The following CYSLTR1 variants were observed in gnomAD, a reference collection of about 807,000 sequenced individuals.
CYSLTR1 encodes the protein cysteinyl leukotriene receptor 1.
A neutral mutation model predicts 2.1 loss-of-function variants in CYSLTR1; 1 was observed. That is an observed-to-expected ratio of 0.48 (90% CI 0.17 to 2.28). CYSLTR1 has a LOEUF of 2.28. CYSLTR1 is among the 30% of genes most tolerant of loss of function. CYSLTR1 has a pLI of 0.26. For missense variants in CYSLTR1, 299 were observed against 250.1 expected, an observed-to-expected ratio of 1.20 and a Z score of -1.32; for synonymous variants, 110 against 89.6, an observed-to-expected ratio of 1.23 and a Z score of -1.28.
At position 78,320,915 on chromosome X, in the gene CYSLTR1, C is replaced by G. The variant is rs918257610; in HGVS notation, c.-115+6390G>C. The G allele has an allele frequency of 5.4e-5, 6 of 111,526 alleles. No individual in the cohort carries two copies. The South Asian group carries it at 1.9e-3, about 35-fold the overall frequency. The allele number at this position is 111,526 out of a possible 1,213,427, so 9.2% of individuals were successfully genotyped here. A position where few individuals can be genotyped will look rare whatever the true frequency, so the allele number is the denominator to read the frequency against. On this transcript the variant is annotated intron_variant, in intron 1 of 2. Transcript: ENST00000373304. ...ACTCATGATTTGGCTCTCTGTTTTT[C>G]TGTTATTGCTGTAATTACTCTTTTT...
intron 1 of CYSLTR1, among the ~76,000 whole-genome samples, chrX:78,310,729 T>C (rs1368436704): frequency 9.0e-6 from 1 of 111,625 alleles, no homozygotes; most frequent in Non-Finnish European, 1.9e-5. Flanking sequence ...GTGGGGCATA[T>C]GGGGAAGAGT....
intron 1 of CYSLTR1, among the ~76,000 whole-genome samples, chrX:78,303,663 A>T (rs899288529): frequency 9.0e-6 from 1 of 111,643 alleles, no homozygotes; most frequent in East Asian, 2.8e-4. Context: ...GAGTTAATCC[A>T]TTTTCTGTAT....
chrX:78,310,657 G>A (rs915444365), intron 1 of CYSLTR1, among the ~76,000 whole-genome samples: 1 of 111,919 alleles, frequency 8.9e-6, no homozygotes, highest in African/African-American at 3.2e-5. Context: ...AAAGGACACA[G>A]AGCATAAAAG....
intron 1 of CYSLTR1, among the ~76,000 whole-genome samples, chrX:78,308,514 T>C (rs1339325624): frequency 9.0e-6 from 1 of 111,279 alleles, no homozygotes; most frequent in African/African-American, 3.3e-5. Flanking sequence ...AGAAAGATTT[T>C]GGTAAAGATA....
chrX:78,309,761 T>G (rs1923154280), intron 1 of CYSLTR1, among the ~76,000 whole-genome samples: 1 of 111,839 alleles, frequency 8.9e-6, no homozygotes, highest in Non-Finnish European at 1.9e-5. Flanking sequence ...GAAGAGCACT[T>G]GGAGAACATC....
chrX:78,274,849 C>A (rs1237815003), intron 2 of CYSLTR1, among the ~76,000 whole-genome samples: 1 of 111,294 alleles, frequency 9.0e-6, no homozygotes, highest in Non-Finnish European at 1.9e-5. Flanking sequence ...GGCTAATATC[C>A]AGAATCTACA....
At position 78,273,350 on chromosome X, in the gene CYSLTR1, T is replaced by C; in HGVS notation, c.397A>G (p.Asn133Asp). 1 of 1,211,090 alleles carries C rather than the reference T, an allele frequency of 8.3e-7. No homozygotes were observed. The highest frequency in any genetic ancestry group is 1.1e-6 in the Non-Finnish European group (1 of 895,358). Residue 133 changes from asparagine (N) to aspartate (D), a missense_variant, in exon 3 of 3, where the codon AAT (asparagine) becomes GAT (aspartate). Coordinates refer to ENST00000373304, the MANE Select transcript of CYSLTR1 (RefSeq NM_006639.4). ...CTGGCTTTTTTCTGTGTAACCAAATTAATGTTCTGGACTGGAAAAACAATT... is the reference window on the plus strand; with the variant it reads ...CTGGCTTTTTTCTGTGTAACCAAATCAATGTTCTGGACTGGAAAAACAATT... Reference protein sequence around the residue: ...IAIVFPVQNINLVTQKKARFV... With the variant: ...IAIVFPVQNIDLVTQKKARFV...
rs139871860 is a variant in CYSLTR1 at position 78,309,304 on chromosome X, G to T, written c.-115+18001C>A. 3.9e-3 allele frequency among the ~76,000 whole-genome samples: 434 copies of T among 111,576 alleles called. 1 individual carries two copies. The highest frequency in any genetic ancestry group is 0.014 in the African/African-American group (418 of 30,741). ...AGCCCCTTATTGTTTACAGGAAAAG[G>T]TATAATTCCTGTCCCATTCGATGGT... On this transcript the variant is annotated intron_variant, in intron 1 of 2. Coordinates refer to ENST00000373304, the MANE Select transcript of CYSLTR1 (RefSeq NM_006639.4).
intron 1 of CYSLTR1, among the ~76,000 whole-genome samples, chrX:78,301,974 C>T (rs1204579552): frequency 1.8e-5 from 2 of 112,082 alleles, no homozygotes; most frequent in Non-Finnish European, 1.9e-5. Flanking sequence ...GAGAACTCCT[C>T]TTTATAAAAC....
chrX:78,319,782 C>T (rs1454764629), intron 1 of CYSLTR1: 1 of 111,854 alleles, frequency 8.9e-6, no homozygotes, highest in Non-Finnish European at 1.9e-5. Context: ...CTGTTGTTTC[C>T]TTACTTTTTA....
chrX:78,313,025 A>G (rs1923274645), intron 1 of CYSLTR1, among the ~76,000 whole-genome samples: 1 of 112,065 alleles, frequency 8.9e-6, no homozygotes. Flanking sequence ...TATTCATCAA[A>G]CTGCTATTCA....
chrX:78,277,409 C>T (rs1921637764), intron 2 of CYSLTR1, among the ~76,000 whole-genome samples: 1 of 111,794 alleles, frequency 8.9e-6, no homozygotes, highest in Non-Finnish European at 1.9e-5. Flanking sequence ...GATAGACTGC[C>T]ACTAGCATGC....
intron 1 of CYSLTR1, among the ~76,000 whole-genome samples, chrX:78,310,316 G>A (rs1205756396): frequency 9.0e-6 from 1 of 111,494 alleles, no homozygotes; most frequent in Non-Finnish European, 1.9e-5. Flanking sequence ...TCTTTGCTCA[G>A]GGCATTTTAG....
intron 1 of CYSLTR1, among the ~76,000 whole-genome samples, chrX:78,311,790 T>A (rs1923226707): frequency 9.0e-6 from 1 of 111,455 alleles, no homozygotes; most frequent in Admixed American, 9.5e-5. Flanking sequence ...ATTAAAGAGC[T>A]CTACAAAGAG....
intron 1 of CYSLTR1, among the ~76,000 whole-genome samples, chrX:78,294,191 A>T (rs942284093): frequency 8.9e-6 from 1 of 112,386 alleles, no homozygotes; most frequent in Non-Finnish European, 1.9e-5. Context: ...TCTGTTTGTT[A>T]GTTTTCCTTC....
chrX:78,314,431 CA>C (rs1268305658), intron 1 of CYSLTR1, among the ~76,000 whole-genome samples: 2 of 111,503 alleles, frequency 1.8e-5, no homozygotes, highest in Non-Finnish European at 3.8e-5. Flanking sequence ...CAACTAGCTA[CA>C]AAAAAATCAC....
intron 1 of CYSLTR1, 129 bp downstream of exon 1, chrX:78,327,176 C>A (rs1923888487): frequency 9.0e-6 from 1 of 111,652 alleles, no homozygotes; most frequent in African/African-American, 3.3e-5. Context: ...TTCATACTAG[C>A]ACCCAAACTT....
At chrX:78,293,293 T>G (rs1038878600) in intron 1 of CYSLTR1, among the ~76,000 whole-genome samples, 19 of 111,457 alleles carry the variant, frequency 1.7e-4, no homozygotes, top group Middle Eastern at 4.6e-3. Context: ...TTTAAGAATG[T>G]TGAATATTGG....
At chrX:78,289,274 C>T (rs769951385) in intron 1 of CYSLTR1, among the ~76,000 whole-genome samples, 31 of 111,599 alleles carry the variant, frequency 2.8e-4, no homozygotes, top group African/African-American at 8.8e-4. Context: ...TCATCCATGT[C>T]CCTGCAAAGG....
Sources: allele counts gnomAD v4.1 joint callset (sites outside exome capture counted in the v4.1 genomes callset), GRCh38; gene constraint gnomAD v4.1.1; transcripts MANE v1.5; gene names NCBI Gene and HGNC (gene_info 2026-07-23, HGNC 2026-07-21).